Variants in GABRG3 observed in about 807,000 individuals in gnomAD.
GABRG3 encodes gamma-aminobutyric acid type A receptor subunit gamma3.
Under a neutral mutation model 48.8 loss-of-function variants are expected in GABRG3, and 25 were observed. The observed-to-expected ratio is 0.51, with a 90% CI of 0.37 to 0.72. The LOEUF (loss-of-function observed/expected upper bound fraction) is 0.72, where lower values mean the gene tolerates loss of function less well. Ranked by LOEUF, GABRG3 falls within the 30% of genes least tolerant of loss-of-function variation. GABRG3 has a pLI of 0.00. For synonymous variants in GABRG3, 227 were observed against 217.6 expected, an observed-to-expected ratio of 1.04 and a Z score of -0.38; for missense variants, 394 against 577.9, an observed-to-expected ratio of 0.68 and a Z score of 3.26.
At chr15:26,997,761 A>G (rs1317740724) in intron 2 of GABRG3, among the ~76,000 whole-genome samples, 2 of 152,172 alleles carry the variant, frequency 1.3e-5, no homozygotes, top group Non-Finnish European at 2.9e-5. Flanking sequence ...TTGTTATCAC[A>G]ATTTAGGAAT....
intron 3 of GABRG3, among the ~76,000 whole-genome samples, chr15:27,076,463 A>G (rs1442422019): frequency 6.6e-6 from 1 of 151,732 alleles, no homozygotes; most frequent in African/African-American, 2.4e-5. Flanking sequence ...AGCTGGGACT[A>G]TAGGCGTGCA....
chr15:27,271,828 T>C (rs1357497183), intron 3 of GABRG3, among the ~76,000 whole-genome samples: 1 of 152,182 alleles, frequency 6.6e-6, no homozygotes, highest in Non-Finnish European at 1.5e-5. Context: ...AAACTTGTCT[T>C]TTCCATCATG....
intron 3 of GABRG3, among the ~76,000 whole-genome samples, chr15:27,315,074 C>T (rs1200928610): frequency 2.0e-5 from 3 of 151,954 alleles, no homozygotes; most frequent in Non-Finnish European, 4.4e-5. Flanking sequence ...GTGTACTTAC[C>T]GCAGTAAAAT....
intron 6 of GABRG3, among the ~76,000 whole-genome samples, chr15:27,513,376 G>T (rs888290603): frequency 2.0e-5 from 3 of 151,980 alleles, no homozygotes; most frequent in African/African-American, 7.3e-5. Flanking sequence ...CGTGAACCTG[G>T]GAGGCGGAGC....
intron 3 of GABRG3, among the ~76,000 whole-genome samples, chr15:27,124,211 C>T (rs962125422): frequency 1.4e-4 from 22 of 152,162 alleles, no homozygotes; most frequent in African/African-American, 5.3e-4. Flanking sequence ...ATTGTAAAGC[C>T]ATAGTGTTAG....
intron 5 of GABRG3, among the ~76,000 whole-genome samples, chr15:27,430,081 T>C (rs1362296619): frequency 6.6e-6 from 1 of 152,240 alleles, no homozygotes; most frequent in African/African-American, 2.4e-5. Context: ...GTCATTTCTA[T>C]TTTAGGCATT....
chr15:27,350,340 G>A (rs1894519338), intron 5 of GABRG3: 1 of 368,154 alleles, frequency 2.7e-6, no homozygotes, highest in East Asian at 7.4e-5. Context: ...ACTTCTCATC[G>A]CGTGTTCTCA....
chr15:27,412,695 C>G (rs938519975), intron 5 of GABRG3, among the ~76,000 whole-genome samples: 52 of 152,216 alleles, frequency 3.4e-4, no homozygotes, highest in African/African-American at 1.2e-3. Context: ...GCTGAGCATT[C>G]TAATGCAAAG....
rs368929353 is a variant in GABRG3 at position 27,433,044 on chromosome 15, A to G, written c.575-47606A>G. On this transcript the variant is annotated intron_variant, in intron 5 of 9. Coordinates refer to ENST00000615808, the MANE Select transcript of GABRG3 (RefSeq NM_033223.5). ...TACGATGATTTATGTATACTCCAAGATGATGTAGATTTTCTCTACTGTGCT... is the reference window on the plus strand; with the variant it reads ...TACGATGATTTATGTATACTCCAAGGTGATGTAGATTTTCTCTACTGTGCT... Among the ~76,000 whole-genome samples, 9 of 152,266 alleles carry G rather than the reference A, an allele frequency of 5.9e-5. No individual in the cohort carries two copies. The South Asian group carries it at 1.7e-3, about 28-fold the overall frequency.
chr15:26,991,046 A>G (rs1895239175), intron 2 of GABRG3, among the ~76,000 whole-genome samples: 1 of 151,436 alleles, frequency 6.6e-6, no homozygotes, highest in Non-Finnish European at 1.5e-5. Context: ...CTCGTGATCC[A>G]CTCGCCTTGG....
intron 5 of GABRG3, among the ~76,000 whole-genome samples, chr15:27,391,091 A>T (rs996696603): frequency 6.6e-6 from 1 of 152,062 alleles, no homozygotes; most frequent in African/African-American, 2.4e-5. Context: ...CCATCTCAAA[A>T]AAAAAAAAGA....
At chr15:27,232,395 T>C (rs1423427586) in intron 3 of GABRG3, among the ~76,000 whole-genome samples, 1 of 152,214 alleles carries the variant, frequency 6.6e-6, no homozygotes, top group Non-Finnish European at 1.5e-5. Flanking sequence ...GAGTGTGGTG[T>C]GAGCAGCTGT....
At chr15:27,230,822 A>C (rs1403248767) in intron 3 of GABRG3, among the ~76,000 whole-genome samples, 2 of 152,216 alleles carry the variant, frequency 1.3e-5, no homozygotes, top group African/African-American at 4.8e-5. Context: ...GTGTCTAAAA[A>C]TAAATTTTAC....
intron 3 of GABRG3, among the ~76,000 whole-genome samples, chr15:27,152,362 A>G (rs1220498666): frequency 6.6e-6 from 1 of 151,924 alleles, no homozygotes; most frequent in African/African-American, 2.4e-5. Flanking sequence ...CACCAGTACC[A>G]AAAGGTTTTG....
rs140539080 is a variant in GABRG3, at chr15:27,050,401, G to A, written c.270+23580G>A. On this transcript the variant is annotated intron_variant, in intron 3 of 9. Coordinates refer to ENST00000615808, the MANE Select transcript of GABRG3 (RefSeq NM_033223.5). ...TTACTGTCCCTTTCTCGCAGGCACA[G>A]CAGGGCTGTTCAGGTCTCCAGCCAA... 3.9e-3 allele frequency among the ~76,000 whole-genome samples: 601 copies of A among 152,308 alleles called. 4 individuals are homozygous for A. Among genetic ancestry groups the A allele is most frequent in the African/African-American group, 0.013 (549 of 41,560 alleles).
chr15:27,477,806 C>G (rs1323483357), intron 5 of GABRG3, among the ~76,000 whole-genome samples: 1 of 152,098 alleles, frequency 6.6e-6, no homozygotes, highest in Non-Finnish European at 1.5e-5. Context: ...TTTGGAAGGC[C>G]AAGGCGGGCA....
intron 2 of GABRG3, among the ~76,000 whole-genome samples, chr15:26,999,028 T>C (rs1895391744): frequency 6.6e-6 from 1 of 152,116 alleles, no homozygotes; most frequent in Non-Finnish European, 1.5e-5. Context: ...TTGTTTTTGA[T>C]GTGGAATTCT....
chr15:26,982,166 G>C (rs1026049493), intron 2 of GABRG3, among the ~76,000 whole-genome samples: 1 of 152,210 alleles, frequency 6.6e-6, no homozygotes, highest in African/African-American at 2.4e-5. Flanking sequence ...CTAGTGTGAA[G>C]AGTGTGCAGC....
Position 27,002,760 on chromosome 15 carries a change from A to AAAAAAAAAAAAG in GABRG3, c.203-23991_203-23990insAAAAAAAAGAAA, listed in dbSNP as rs71130292. On this transcript the variant is annotated intron_variant, in intron 2 of 9. Transcript: ENST00000615808. ...CGTGTCTCTCAAAAAAAAAAAAAAA[A>AAAAAAAAAAAAG]AAAGGAAGGAAGGAAGGAAGGAAAG... Among the ~76,000 whole-genome samples, 49 of 125,924 alleles carry AAAAAAAAAAAAG rather than the reference A, an allele frequency of 3.9e-4. 1 individual carries two copies. The highest frequency in any genetic ancestry group is 5.5e-4 in the Non-Finnish European group (34 of 61,342). 82.6% of individuals were successfully genotyped at this position (125,924 alleles called of 152,430 possible). A position where few individuals can be genotyped will look rare whatever the true frequency, so the allele number is the denominator to read the frequency against.
Sources: allele counts gnomAD v4.1 joint callset (sites outside exome capture counted in the v4.1 genomes callset), GRCh38; gene constraint gnomAD v4.1.1; transcripts MANE v1.5; gene names NCBI Gene and HGNC (gene_info 2026-07-23, HGNC 2026-07-21).